The following NME7 variants were observed in gnomAD, a reference collection of about 807,000 sequenced individuals.
NME7 encodes nucleoside diphosphate kinase 7.
Under a neutral mutation model 49.1 loss-of-function variants are expected in NME7, and 41 were observed. The observed-to-expected ratio is 0.83, with a 90% CI of 0.65 to 1.08. The LOEUF (loss-of-function observed/expected upper bound fraction) is 1.08, where lower values mean the gene tolerates loss of function less well. Ranked by LOEUF, NME7 falls within the 50% of genes least tolerant of loss-of-function variation. The pLI, the probability that NME7 is intolerant of heterozygous loss-of-function variation, is 0.00. For synonymous variants in NME7, 139 were observed against 150.6 expected (o/e 0.92, Z 0.56); for missense variants, 423 against 463.4 (o/e 0.91, Z 0.80).
At chr1:169,169,906 G>GT (rs1425252202) in intron 10 of NME7, among the ~76,000 whole-genome samples, 3 of 152,278 alleles carry the variant, frequency 2.0e-5, no homozygotes, top group South Asian at 4.1e-4. Flanking sequence ...AATGTTAGCT[G>GT]TATCAACTTA....
At chr1:169,152,546 T>G (rs1480234870) in intron 11 of NME7, among the ~76,000 whole-genome samples, 1 of 152,212 alleles carries the variant, frequency 6.6e-6, no homozygotes, top group Non-Finnish European at 1.5e-5. Flanking sequence ...TTAAGAAAAC[T>G]ATATTGAATG....
Position 169,253,571 on chromosome 1 carries a change from T to C in NME7, c.755-15884A>G, listed in dbSNP as rs185019031. Among the ~76,000 whole-genome samples, 186 of 152,338 alleles carry C rather than the reference T, an allele frequency of 1.2e-3. 1 individual carries two copies. The highest frequency in any genetic ancestry group is 4.2e-3 in the African/African-American group (176 of 41,584). On this transcript the variant is annotated intron_variant, in intron 7 of 11. Coordinates refer to ENST00000367811, the MANE Select transcript of NME7 (RefSeq NM_013330.5). ...CCCTTTATTTCCTTCTCCTGCCTAA[T>C]TGCCCGGGCCAGAATTTCAAACACT...
At chr1:169,328,244 G>C (rs2101943316) in intron 1 of NME7, among the ~76,000 whole-genome samples, 1 of 152,238 alleles carries the variant, frequency 6.6e-6, no homozygotes, top group East Asian at 1.9e-4. Flanking sequence ...CAAAAGACCT[G>C]GGCAAGACTT....
intron 7 of NME7, among the ~76,000 whole-genome samples, chr1:169,238,430 T>C (rs1477294615): frequency 1.3e-5 from 2 of 151,278 alleles, no homozygotes; most frequent in Non-Finnish European, 3.0e-5. Flanking sequence ...AAGTTTCTTT[T>C]TTTCAAGTCA....
At chr1:169,254,046 T>C (rs938290926) in intron 7 of NME7, among the ~76,000 whole-genome samples, 7 of 151,304 alleles carry the variant, frequency 4.6e-5, no homozygotes, top group East Asian at 2.0e-4. Context: ...TGTCTCTGCC[T>C]GGCTTTGGTA....
intron 2 of NME7, among the ~76,000 whole-genome samples, chr1:169,323,704 G>A (rs1433651928): frequency 1.3e-5 from 2 of 152,112 alleles, no homozygotes; most frequent in African/African-American, 2.4e-5. Context: ...CTCTTAGCTT[G>A]AGCCTCTTCA....
intron 10 of NME7, among the ~76,000 whole-genome samples, chr1:169,185,529 T>C (rs1403817996): frequency 6.6e-6 from 1 of 152,216 alleles, no homozygotes; most frequent in African/African-American, 2.4e-5. Flanking sequence ...GTTTATGCTG[T>C]GCTTTCCCTT....
At chr1:169,242,056 T>C (rs1192438080) in intron 7 of NME7, among the ~76,000 whole-genome samples, 4 of 152,020 alleles carry the variant, frequency 2.6e-5, no homozygotes, top group African/African-American at 9.6e-5. Context: ...CCTAAATATC[T>C]GGGATTACAG....
chr1:169,274,629 G>A lies in NME7; in HGVS notation c.754+12674C>T, dbSNP rs1228873539. Among the ~76,000 whole-genome samples, 2 of 133,262 alleles carry A rather than the reference G, an allele frequency of 1.5e-5. 1 individual carries two copies. The highest frequency in any genetic ancestry group is 3.5e-5 in the Non-Finnish European group (2 of 56,704). 87.4% of individuals were successfully genotyped at this position (133,262 alleles called of 152,430 possible). Reference sequence around the variant, plus strand: ...AACGTTTAAGTCTTTAATCCATCTTGAATTAATTTTTGTATAAGGTGTAAG... The same window carrying A: ...AACGTTTAAGTCTTTAATCCATCTTAAATTAATTTTTGTATAAGGTGTAAG... On this transcript the variant is annotated intron_variant, in intron 7 of 11. Transcript: ENST00000367811.
intron 7 of NME7, among the ~76,000 whole-genome samples, chr1:169,258,761 T>C (rs1649066765): frequency 7.5e-6 from 1 of 133,470 alleles, no homozygotes; most frequent in African/African-American, 2.5e-5. Context: ...TTTTCTTCTG[T>C]TATTCCCCAG....
At chr1:169,357,815 C>T (rs1183637712) in intron 1 of NME7, among the ~76,000 whole-genome samples, 1 of 152,068 alleles carries the variant, frequency 6.6e-6, no homozygotes, top group East Asian at 1.9e-4. Flanking sequence ...AGTCAAATTA[C>T]TGAATAATAA....
intron 6 of NME7, among the ~76,000 whole-genome samples, chr1:169,288,339 G>T (rs919119899): frequency 6.6e-6 from 1 of 152,066 alleles, no homozygotes; most frequent in African/African-American, 2.4e-5. Context: ...CAAGGGATTG[G>T]TACTCAAATC....
intron 10 of NME7, among the ~76,000 whole-genome samples, chr1:169,196,696 A>T (rs988360528): frequency 1.3e-5 from 2 of 152,198 alleles, no homozygotes; most frequent in Admixed American, 6.5e-5. Context: ...GATGTGCACT[A>T]ATTTGTAATA....
intron 6 of NME7, among the ~76,000 whole-genome samples, chr1:169,294,390 T>C (rs547879234): frequency 6.6e-6 from 1 of 152,238 alleles, no homozygotes; most frequent in African/African-American, 2.4e-5. Context: ...ATTTTAACAA[T>C]TGCTCACAAA....
intron 3 of NME7, among the ~76,000 whole-genome samples, chr1:169,313,207 GAA>G (rs35862763): frequency 0.017 from 2,179 of 126,184 alleles, 45 homozygotes; most frequent in African/African-American, 0.056. Context: ...GGACAAAAGT[GAA>G]AAAAAAAAAA....
chr1:169,268,888 G>A (rs1459622120), intron 7 of NME7, among the ~76,000 whole-genome samples: 1 of 133,110 alleles, frequency 7.5e-6, no homozygotes, highest in Non-Finnish European at 1.8e-5. Flanking sequence ...ACTAAACCCC[G>A]AGTCAAGAGT....
chr1:169,211,696 A>G (rs1393877850), intron 10 of NME7, among the ~76,000 whole-genome samples: 1 of 152,168 alleles, frequency 6.6e-6, no homozygotes, highest in African/African-American at 2.4e-5. Context: ...TTTGAATCCC[A>G]GTTATGATAC....
In NME7 at chr1:169,266,024, T is replaced by C. The variant is rs149978315; in HGVS notation, c.754+21279A>G. ...ACCAGACGGATTCATAGCCATATTC[T>C]ACCAGATGTACAAAGAAGAGCTAGG... On this transcript the variant is annotated intron_variant, in intron 7 of 11. Coordinates refer to ENST00000367811, the MANE Select transcript of NME7 (RefSeq NM_013330.5). Among the ~76,000 whole-genome samples the C allele has an allele frequency of 6.1e-3, 804 of 132,190 alleles. 98 individuals are homozygous for C. Among genetic ancestry groups the C allele is most frequent in the African/African-American group, 0.02 (765 of 39,176 alleles). 86.7% of individuals were successfully genotyped at this position (132,190 alleles called of 152,430 possible). A position where few individuals can be genotyped will look rare whatever the true frequency, so the allele number is the denominator to read the frequency against.
At chr1:169,278,836 T>C (rs911386332) in intron 7 of NME7, among the ~76,000 whole-genome samples, 21 of 152,188 alleles carry the variant, frequency 1.4e-4, no homozygotes, top group African/African-American at 5.1e-4. Flanking sequence ...TGATCTTTGA[T>C]GATGGTGATG....
Sources: gnomAD v4.1 joint callset for allele counts (sites outside exome capture counted in the v4.1 genomes callset) on GRCh38, gnomAD v4.1.1 for gene constraint, MANE v1.5 for transcripts, NCBI Gene and HGNC (gene_info 2026-07-23, HGNC 2026-07-21) for gene names.